PPP2R1B: variants seen among roughly 807,000 people sequenced by gnomAD.
PPP2R1B encodes protein phosphatase 2 scaffold subunit Abeta.
In PPP2R1B, 58 loss-of-function variants were observed where a neutral mutation model predicts 72.7. That is an observed-to-expected ratio of 0.80 (90% CI 0.65 to 0.99). The LOEUF is 0.99. Ranked by LOEUF, PPP2R1B falls within the 50% of genes least tolerant of loss-of-function variation. The pLI, the probability that PPP2R1B is intolerant of heterozygous loss-of-function variation, is 0.00. For synonymous variants in PPP2R1B, 256 were observed against 264.6 expected, an observed-to-expected ratio of 0.97 and a Z score of 0.32; for missense variants, 695 against 733.6, an observed-to-expected ratio of 0.95 and a Z score of 0.61.
At chr11:111,697,597 G>A in the PPP2R1B span, among the ~76,000 whole-genome samples, 1 of 152,176 alleles carries the variant, frequency 6.6e-6, no homozygotes, top group Non-Finnish European at 1.5e-5. Flanking sequence ...AAGAAGTTAA[G>A]TAATTTGTCC....
Position 111,765,332 on chromosome 11 carries a change from A to C in PPP2R1B, c.167T>G (p.Val56Gly). The part of the protein sequence containing the change: ...KLSTIALALG[V>G]ERTRSELLPF... ...CAACAATTCACTTCGGGTCCTTTCT[A>C]CTCCAAGTGCTAGGGCAATTGTTGA... is the stretch of plus-strand genomic sequence containing the variant. Residue 56 changes from valine to glycine, a missense_variant, in exon 2 of 15, where the codon GTA (valine) becomes GGA (glycine). Transcript: ENST00000527614. The C allele has an allele frequency of 4.3e-6, 7 of 1,613,670 alleles. No individual in the cohort carries two copies. Among genetic ancestry groups the C allele is most frequent in the Non-Finnish European group, 5.9e-6 (7 of 1,179,628 alleles).
downstream of PPP2R1B, among the ~76,000 whole-genome samples, chr11:111,737,289 C>A (rs1000260572): frequency 2.6e-5 from 4 of 152,194 alleles, no homozygotes; most frequent in African/African-American, 9.7e-5. Context: ...CAGGCTTTAA[C>A]CATCTACTCC....
chr11:111,704,920 A>G, the PPP2R1B span: 1 of 1,372,756 alleles, frequency 7.3e-7, no homozygotes, highest in Non-Finnish European at 9.7e-7. Context: ...CTTTTTTTTT[A>G]GGCATGTGTA....
chr11:111,760,745 C>T, intron 4 of PPP2R1B, 74 bp downstream of exon 4: 1 of 1,342,624 alleles, frequency 7.4e-7, no homozygotes, highest in Non-Finnish European at 1.0e-6. Context: ...CTACAAGTCC[C>T]CAGTAATCCC....
intron 4 of PPP2R1B, among the ~76,000 whole-genome samples, chr11:111,760,285 G>C (rs952812814): frequency 1.3e-5 from 2 of 152,066 alleles, no homozygotes; most frequent in Admixed American, 1.3e-4. Flanking sequence ...GGGGGCTCAA[G>C]TGAACTCCCA....
intron 5 of PPP2R1B, among the ~76,000 whole-genome samples, chr11:111,759,015 G>A (rs1415211612): frequency 6.6e-6 from 1 of 152,100 alleles, no homozygotes; most frequent in African/African-American, 2.4e-5. Context: ...AAGCCCAAAA[G>A]GACTATTCTA....
chr11:111,751,152 T>C (rs1944893857), intron 10 of PPP2R1B, among the ~76,000 whole-genome samples: 1 of 152,102 alleles, frequency 6.6e-6, no homozygotes. Flanking sequence ...CAATACTTCT[T>C]TTCTATATGG....
chr11:111,758,286 T>C (rs1368607548), intron 5 of PPP2R1B, among the ~76,000 whole-genome samples: 1 of 152,152 alleles, frequency 6.6e-6, no homozygotes, highest in African/African-American at 2.4e-5. Context: ...AACTATAACA[T>C]TTAGGTAATA....
At chr11:111,722,897 G>A (rs923645977), downstream of PPP2R1B, 8 of 694,692 alleles carry the variant, frequency 1.2e-5, no homozygotes, top group East Asian at 5.5e-5. The surrounding 1 kb of genome is among the most constrained non-coding windows in gnomAD (Gnocchi z 4.4). Context: ...CTCTGAGCAC[G>A]ATTACTAAGA....
chr11:111,753,377 C>A lies in PPP2R1B; in HGVS notation c.1164+66G>T, dbSNP rs537278339. 3.2e-6 allele frequency: 5 copies of A among 1,554,160 alleles called. No individual in the cohort carries two copies. The East Asian group carries it at 1.1e-4, about 35-fold the overall frequency. ...TTTTGGGGGTTCTATTTTAATGAAA[C>A]CCTAAACCAAAATCAAATAAAATCA... On this transcript the variant is annotated intron_variant, in intron 9 of 14. Transcript: ENST00000527614.
chr11:111,709,361 G>C, the PPP2R1B span, among the ~76,000 whole-genome samples: 1 of 152,206 alleles, frequency 6.6e-6, no homozygotes, highest in Admixed American at 6.5e-5. Flanking sequence ...CACATTAGTG[G>C]TGAGGGGCTC....
chr11:111,727,116 G>T (rs190477202), intron 15 of PPP2R1B: 1 of 1,472,034 alleles, frequency 6.8e-7, no homozygotes, highest in Non-Finnish European at 9.5e-7. Flanking sequence ...TCACATTCCC[G>T]GTGACACTGA....
At chr11:111,747,668 G>A (rs945957168) in intron 11 of PPP2R1B, among the ~76,000 whole-genome samples, 2 of 152,138 alleles carry the variant, frequency 1.3e-5, no homozygotes, top group East Asian at 3.8e-4. Flanking sequence ...TTCAGATAAG[G>A]GAGGAGTAAG....
chr11:111,712,891 A>G, the PPP2R1B span, among the ~76,000 whole-genome samples: 3 of 152,206 alleles, frequency 2.0e-5, no homozygotes, highest in Non-Finnish European at 4.4e-5. Context: ...TGGGCCAGGC[A>G]CAGTGGCTCA....
intron 13 of PPP2R1B, 100 bp downstream of exon 13, chr11:111,742,423 A>T: frequency 7.6e-7 from 1 of 1,316,992 alleles, no homozygotes. Context: ...GATCTTAAGT[A>T]AAGTGAAAAT....
At chr11:111,720,491 C>T in the PPP2R1B span, 21 of 1,597,932 alleles carry the variant, frequency 1.3e-5, no homozygotes, top group Non-Finnish European at 1.6e-5. Flanking sequence ...AAATTTTCTC[C>T]ATGAATGACA....
At chr11:111,705,267 TG>T in the PPP2R1B span, 4 of 931,352 alleles carry the variant, frequency 4.3e-6, no homozygotes, top group Non-Finnish European at 4.4e-6. This position sits in a 1 kb window ranked among gnomAD's most constrained non-coding sequence, Gnocchi z 4.3. Context: ...AATTTCTGCC[TG>T]CCATTCACTA....
At chr11:111,713,611 A>AG in the PPP2R1B span, among the ~76,000 whole-genome samples, 26 of 152,222 alleles carry the variant, frequency 1.7e-4, no homozygotes, top group Non-Finnish European at 3.8e-4. Flanking sequence ...AGTCCACTAT[A>AG]GCCTAGCAGA....
chr11:111,737,714 G>A, downstream of PPP2R1B: 1 of 1,437,086 alleles, frequency 7.0e-7, no homozygotes, highest in Non-Finnish European at 9.3e-7. Context: ...ATGGGGCACT[G>A]GGCAGAGAAA....
Sources: gnomAD v4.1 joint callset for allele counts (sites outside exome capture counted in the v4.1 genomes callset) on GRCh38, gnomAD v4.1.1 for gene constraint, Gnocchi (gnomAD v3.1) non-coding constraint, MANE v1.5 for transcripts, NCBI Gene and HGNC (gene_info 2026-07-23, HGNC 2026-07-21) for gene names.